CCDC91: variants seen among roughly 807,000 people sequenced by gnomAD.
CCDC91 encodes the protein coiled-coil domain-containing protein 91.
CCDC91 carries 48 observed loss-of-function variants against 63.2 expected under a neutral mutation model. The observed-to-expected ratio is 0.76, with a 90% CI of 0.60 to 0.97. CCDC91 has a LOEUF of 0.97. CCDC91 is among the 50% of genes least tolerant of loss of function. The probability of loss-of-function intolerance (pLI) is 0.00; values close to 1 mark genes in which losing one functional copy is unlikely to be tolerated. For synonymous variants in CCDC91, 167 were observed against 165.8 expected (o/e 1.01, Z -0.06); for missense variants, 500 against 494.6 (o/e 1.01, Z -0.10).
At chr12:28,270,114 T>G (rs1947650348) in intron 3 of CCDC91, among the ~76,000 whole-genome samples, 1 of 151,942 alleles carries the variant, frequency 6.6e-6, no homozygotes, top group Non-Finnish European at 1.5e-5. Flanking sequence ...ACGGAAAATC[T>G]TCTAGATTTG....
At chr12:28,509,258 C>T (rs1235722388) in intron 12 of CCDC91, among the ~76,000 whole-genome samples, 5 of 151,868 alleles carry the variant, frequency 3.3e-5, no homozygotes, top group African/African-American at 9.7e-5. Context: ...TACGTAGTCT[C>T]CTGCCTCCTG....
At chr12:28,454,523 C>A (rs1949970577) in intron 11 of CCDC91, among the ~76,000 whole-genome samples, 2 of 152,142 alleles carry the variant, frequency 1.3e-5, no homozygotes, top group South Asian at 4.1e-4. Flanking sequence ...TAGGGAGAGG[C>A]TGCAGTCTGA....
At chr12:28,285,523 T>G (rs1283364409) in intron 3 of CCDC91, among the ~76,000 whole-genome samples, 2 of 151,850 alleles carry the variant, frequency 1.3e-5, no homozygotes, top group Non-Finnish European at 2.9e-5. Flanking sequence ...CATAATGAGC[T>G]TGGAATTGGA....
intron 3 of CCDC91, among the ~76,000 whole-genome samples, chr12:28,279,370 C>T (rs1410131149): frequency 1.3e-5 from 2 of 152,012 alleles, no homozygotes; most frequent in Non-Finnish European, 2.9e-5. Flanking sequence ...AAGTCATGCA[C>T]GTATAAGTAT....
At chr12:28,546,781 T>G (rs1021003952) in intron 12 of CCDC91, among the ~76,000 whole-genome samples, 3 of 152,086 alleles carry the variant, frequency 2.0e-5, no homozygotes, top group Non-Finnish European at 2.9e-5. Context: ...TCTATAACAC[T>G]GCAGTTGGGA....
At chr12:28,401,808 A>T (rs374606783) in intron 8 of CCDC91, among the ~76,000 whole-genome samples, 5 of 152,178 alleles carry the variant, frequency 3.3e-5, no homozygotes, top group East Asian at 1.9e-4. Flanking sequence ...TTGCCTAACC[A>T]TATGTCACAA....
chr12:28,337,871 A>G (rs1010858208), intron 6 of CCDC91, among the ~76,000 whole-genome samples: 10 of 151,970 alleles, frequency 6.6e-5, no homozygotes, highest in East Asian at 3.8e-4. Flanking sequence ...AAATTTCTAT[A>G]GTTTTTTTTA....
chr12:28,524,967 C>G (rs1941128149), intron 12 of CCDC91, among the ~76,000 whole-genome samples: 1 of 152,120 alleles, frequency 6.6e-6, no homozygotes. Flanking sequence ...TCTAATTGAG[C>G]TTAGTTGGAT....
chr12:28,214,332 A>C (rs1943425809), intron 1 of CCDC91, among the ~76,000 whole-genome samples: 1 of 152,076 alleles, frequency 6.6e-6, no homozygotes, highest in African/African-American at 2.4e-5. Context: ...GGTATCCCTT[A>C]GGATGTCTTG....
At chr12:28,416,883 A>AAT (rs939100538) in intron 8 of CCDC91, among the ~76,000 whole-genome samples, 18 of 151,982 alleles carry the variant, frequency 1.2e-4, no homozygotes, top group Admixed American at 4.6e-4. Flanking sequence ...TATGTATATG[A>AAT]ATATATATAT....
At chr12:28,323,368 G>C (rs1250703658) in intron 6 of CCDC91, among the ~76,000 whole-genome samples, 1 of 151,710 alleles carries the variant, frequency 6.6e-6, no homozygotes, top group Non-Finnish European at 1.5e-5. Context: ...TTGTTACCAT[G>C]ACAATATTTG....
intron 8 of CCDC91, among the ~76,000 whole-genome samples, chr12:28,404,413 C>G (rs557602359): frequency 6.6e-6 from 1 of 151,816 alleles, no homozygotes; most frequent in Non-Finnish European, 1.5e-5. Flanking sequence ...TTTATGGTCC[C>G]GAATTTGGTC....
At chr12:28,315,588 A>C (rs1448227641) in intron 6 of CCDC91, among the ~76,000 whole-genome samples, 2 of 151,954 alleles carry the variant, frequency 1.3e-5, no homozygotes, top group Non-Finnish European at 2.9e-5. Context: ...GACTTCCTTA[A>C]ATTTTAGAAC....
In CCDC91 at chr12:28,203,569, T is replaced by G. The variant is rs139657576; in HGVS notation, c.-15+12928T>G. Among the ~76,000 whole-genome samples, 368 of 152,352 alleles carry G rather than the reference T, an allele frequency of 2.4e-3. 8 individuals carry two copies. In the East Asian group the frequency reaches 0.049, roughly 20 times the overall value. ...AAACCATTTAACAATATTAGGCATC[T>G]GCTTAGTGCTGTGAAAATTCTGCAG... On this transcript the variant is annotated intron_variant, in intron 1 of 12. Coordinates refer to ENST00000536442, the MANE Select transcript of CCDC91 (RefSeq NM_018318.5).
In CCDC91 at chr12:28,374,890, A is replaced by C. The variant is rs1166708855; in HGVS notation, c.654+12375A>C. Among the ~76,000 whole-genome samples, 3 of 152,074 alleles carry C rather than the reference A, an allele frequency of 2.0e-5. No homozygotes were observed. In the East Asian group the frequency reaches 5.8e-4, roughly 29 times the overall value. Reference sequence around the variant, plus strand: ...ATGTTTAAACCAATTTAAGACCTAAAGTTATTATGTTCTATTAGGCCTAAT... The same window carrying C: ...ATGTTTAAACCAATTTAAGACCTAACGTTATTATGTTCTATTAGGCCTAAT... On this transcript the variant is annotated intron_variant, in intron 7 of 12. Transcript: ENST00000536442.
chr12:28,398,223 AGTCT>A (rs1946405710), intron 8 of CCDC91, among the ~76,000 whole-genome samples: 1 of 151,992 alleles, frequency 6.6e-6, no homozygotes, highest in Non-Finnish European at 1.5e-5. Context: ...ACTAATCTAT[AGTCT>A]GTCTATTGAT....
intron 1 of CCDC91, among the ~76,000 whole-genome samples, chr12:28,246,728 C>T (rs1195668633): frequency 6.6e-6 from 1 of 151,982 alleles, no homozygotes; most frequent in Non-Finnish European, 1.5e-5. Context: ...TGATAGAGAT[C>T]CAAGCCACAA....
intron 3 of CCDC91, among the ~76,000 whole-genome samples, chr12:28,304,432 T>C (rs182503670): frequency 1.5e-4 from 21 of 137,896 alleles, no homozygotes; most frequent in Admixed American, 1.4e-3. Flanking sequence ...AAGAAATGCC[T>C]ATGGGTGAAG....
chr12:28,306,450 T>C (rs1389815960), intron 4 of CCDC91, among the ~76,000 whole-genome samples: 1 of 152,098 alleles, frequency 6.6e-6, no homozygotes, highest in Non-Finnish European at 1.5e-5. Context: ...TGTCTATCCT[T>C]ATTCATACAT....
Sources: gnomAD v4.1 joint callset for allele counts (sites outside exome capture counted in the v4.1 genomes callset) on GRCh38, gnomAD v4.1.1 for gene constraint, MANE v1.5 for transcripts, NCBI Gene and HGNC (gene_info 2026-07-23, HGNC 2026-07-21) for gene names.